HIKESHI: variants seen among roughly 807,000 people sequenced by gnomAD.
HIKESHI encodes the protein protein Hikeshi.
HIKESHI carries 13 observed loss-of-function variants against 25.7 expected under a neutral mutation model. The ratio of observed to expected loss-of-function variants is 0.51; its 90% CI spans 0.33 to 0.80. The LOEUF is 0.80. Ranked by LOEUF, HIKESHI falls within the 30% of genes least tolerant of loss-of-function variation. HIKESHI has a pLI of 0.02. For synonymous variants in HIKESHI, 76 were observed against 78.7 expected, an observed-to-expected ratio of 0.97 and a Z score of 0.18; for missense variants, 174 against 229.5, an observed-to-expected ratio of 0.76 and a Z score of 1.56.
chr11:86,344,544 A>C (rs1286886292), intron 3 of HIKESHI, 59 bp from the exon 4 acceptor site: 1 of 984,938 alleles, frequency 1.0e-6, no homozygotes, highest in African/African-American at 1.7e-5. Flanking sequence ...TAATTTAAAA[A>C]TATTGAGTTC....
chr11:86,334,443 GC>G (rs1947496026), intron 2 of HIKESHI, among the ~76,000 whole-genome samples: 1 of 152,030 alleles, frequency 6.6e-6, no homozygotes, highest in Non-Finnish European at 1.5e-5. Context: ...AAAAAAATTA[GC>G]TGCTGCATTT....
chr11:86,320,712 A>G (rs1947124357), intron 2 of HIKESHI, among the ~76,000 whole-genome samples: 1 of 152,248 alleles, frequency 6.6e-6, no homozygotes, highest in Non-Finnish European at 1.5e-5. Context: ...CACTTGAGAA[A>G]CTGTCACCAC....
chr11:86,345,015 A>G (rs976631205), intron 4 of HIKESHI: 3 of 613,984 alleles, frequency 4.9e-6, no homozygotes, highest in East Asian at 7.2e-5. Flanking sequence ...TAGAAGTACC[A>G]TCTATGAGAG....
chr11:86,317,278 G>T (rs1327979334), intron 2 of HIKESHI, among the ~76,000 whole-genome samples: 1 of 152,084 alleles, frequency 6.6e-6, no homozygotes, highest in East Asian at 1.9e-4. Context: ...AGCGGAGATT[G>T]CAACACTACC....
intron 2 of HIKESHI, among the ~76,000 whole-genome samples, chr11:86,336,134 G>A (rs1947551857): frequency 6.6e-6 from 1 of 152,198 alleles, no homozygotes; most frequent in African/African-American, 2.4e-5. Context: ...TAGCAGAATT[G>A]AGTAGACAGA....
At chr11:86,304,502 G>A (rs996262213) in intron 1 of HIKESHI, among the ~76,000 whole-genome samples, 6 of 148,754 alleles carry the variant, frequency 4.0e-5, no homozygotes, top group Non-Finnish European at 8.9e-5. Flanking sequence ...TGTGTGAGTT[G>A]CACAACTCAC....
At chr11:86,331,041 G>A (rs552511785) in intron 2 of HIKESHI, among the ~76,000 whole-genome samples, 3 of 152,302 alleles carry the variant, frequency 2.0e-5, no homozygotes, top group African/African-American at 7.2e-5. Context: ...GTAAAATGGA[G>A]ATAATACCTG....
chr11:86,304,930 A>G (rs1406844745), intron 1 of HIKESHI, among the ~76,000 whole-genome samples: 1 of 152,198 alleles, frequency 6.6e-6, no homozygotes, highest in African/African-American at 2.4e-5. Flanking sequence ...GTGAATTCAG[A>G]TACAGGATTT....
rs1199378837 is a variant in HIKESHI at position 86,326,428 on chromosome 11, AC to A, written c.269-10950del. Reference sequence around the variant, plus strand: ...TTACATTGTGAAAGCTTGGGAAGTTACTTTCGGCCTTTCTGTTAAGTAAATT... The same window carrying A: ...TTACATTGTGAAAGCTTGGGAAGTTATTTCGGCCTTTCTGTTAAGTAAATT... On this transcript the variant is annotated intron_variant, in intron 2 of 4. Coordinates refer to ENST00000278483, the MANE Select transcript of HIKESHI (RefSeq NM_016401.4). 2.0e-5 allele frequency: 9 copies of A among 452,798 alleles called. No individual in the cohort carries two copies. The East Asian group carries it at 5.6e-4, about 28-fold the overall frequency. The allele number at this position is 452,798 out of a possible 1,614,324, so 28.0% of individuals were successfully genotyped here.
Position 86,345,914 on chromosome 11 carries a change from A to C in HIKESHI, c.*276A>C. 4.5e-6 allele frequency: 1 copy of C among 221,024 alleles called. No individual in the cohort carries two copies. The highest frequency in any genetic ancestry group is 1.2e-4 in the South Asian group (1 of 8,200). The allele number at this position is 221,024 out of a possible 1,614,324, so 13.7% of individuals were successfully genotyped here. ...ATTCATTTTTTTTACTTAAAAATAA[A>C]ACCTATACCAAACAGTAGTGTGCCA... is the stretch of plus-strand genomic sequence containing the variant. On this transcript the variant is annotated 3_prime_UTR_variant, in exon 5 of 5. Transcript: ENST00000278483.
At chr11:86,332,132 T>C (rs1352710604) in intron 2 of HIKESHI, among the ~76,000 whole-genome samples, 1 of 152,024 alleles carries the variant, frequency 6.6e-6, no homozygotes, top group Non-Finnish European at 1.5e-5. Context: ...AGCTAACTTA[T>C]TTTTATTTTT....
intron 2 of HIKESHI, among the ~76,000 whole-genome samples, chr11:86,330,715 A>G (rs1179349861): frequency 6.6e-6 from 1 of 152,144 alleles, no homozygotes; most frequent in African/African-American, 2.4e-5. Context: ...CTTGTACCTA[A>G]AGTATTTTCT....
At position 86,306,229 on chromosome 11, in the gene HIKESHI, G is replaced by A. The variant is rs181866288; in HGVS notation, c.31-16G>A. The A allele has an allele frequency of 3.3e-4, 516 of 1,576,142 alleles. 2 individuals are homozygous for A. In the African/African-American group the frequency reaches 6.4e-3, roughly 20 times the overall value. On this transcript the variant is annotated splice_polypyrimidine_tract_variant and intron_variant, in intron 1 of 4. Transcript: ENST00000278483. ...TCATAGAACCATTGAACTGAGACAA[G>A]TTTCTTATTTTCTAGGTGCAAACAG...
intron 2 of HIKESHI, among the ~76,000 whole-genome samples, chr11:86,336,025 A>G (rs1947549235): frequency 6.6e-6 from 1 of 152,242 alleles, no homozygotes; most frequent in African/African-American, 2.4e-5. Context: ...ATGATACATC[A>G]TCAAATAGAG....
intron 2 of HIKESHI, among the ~76,000 whole-genome samples, chr11:86,331,957 C>G (rs1383818377): frequency 6.6e-6 from 1 of 151,020 alleles, no homozygotes; most frequent in Non-Finnish European, 1.5e-5. Context: ...TGAATTCCTT[C>G]CTTTTGCCAT....
chr11:86,308,577 T>TTATTTATTTATTTATTTATTTATC (rs1555183545), intron 2 of HIKESHI, among the ~76,000 whole-genome samples: 8 of 151,008 alleles, frequency 5.3e-5, no homozygotes, highest in Admixed American at 1.3e-4. Flanking sequence ...ATTTATTTAT[T>TTATTTATTTATTTATTTATTTATC]TATCTATAAT....
At chr11:86,341,195 A>T (rs577952295) in intron 3 of HIKESHI, among the ~76,000 whole-genome samples, 1 of 152,200 alleles carries the variant, frequency 6.6e-6, no homozygotes, top group Non-Finnish European at 1.5e-5. Context: ...CCCAACATGT[A>T]CATACTTCTT....
At chr11:86,318,829 A>G (rs1947067945) in intron 2 of HIKESHI, among the ~76,000 whole-genome samples, 1 of 152,230 alleles carries the variant, frequency 6.6e-6, no homozygotes, top group East Asian at 1.9e-4. Flanking sequence ...TTCTACAATT[A>G]GAACATGTAA....
intron 2 of HIKESHI, among the ~76,000 whole-genome samples, chr11:86,313,052 C>G (rs868633292): frequency 6.6e-6 from 1 of 151,916 alleles, no homozygotes; most frequent in South Asian, 2.1e-4. Context: ...TTGCGCTTCT[C>G]GAGGAGTATC....
Sources: allele counts gnomAD v4.1 joint callset (sites outside exome capture counted in the v4.1 genomes callset), GRCh38; gene constraint gnomAD v4.1.1; transcripts MANE v1.5; gene names NCBI Gene and HGNC (gene_info 2026-07-23, HGNC 2026-07-21).